RNLS: variants seen among roughly 807,000 people sequenced by gnomAD.
RNLS encodes the protein renalase, FAD dependent amine oxidase.
RNLS carries 39 observed loss-of-function variants against 39.8 expected under a neutral mutation model. The observed-to-expected ratio is 0.98, with a 90% confidence interval of 0.76 to 1.28. The LOEUF is 1.28. RNLS is among the 50% of genes most tolerant of loss of function. The pLI, the probability that RNLS is intolerant of heterozygous loss-of-function variation, is 0.00. For synonymous variants in RNLS, 147 were observed against 150.7 expected (o/e 0.98, Z 0.18); for missense variants, 410 against 413.3 (o/e 0.99, Z 0.07).
At chr10:88,404,587 G>A (rs1478595387) in intron 4 of RNLS, among the ~76,000 whole-genome samples, 1 of 152,036 alleles carries the variant, frequency 6.6e-6, no homozygotes, top group African/African-American at 2.4e-5. Flanking sequence ...GTTAGAAGAT[G>A]AGGAAAACAT....
At chr10:88,261,687 G>C in the RNLS span, among the ~76,000 whole-genome samples, 1 of 152,166 alleles carries the variant, frequency 6.6e-6, no homozygotes. Context: ...GATTATTGTA[G>C]AGATTAAATG....
Position 88,284,685 on chromosome 10 carries a change from G to T in RNLS, c.*669C>A, listed in dbSNP as rs1325744071. 1 of 984,778 alleles carries T rather than the reference G, an allele frequency of 1.0e-6. No individual in the cohort carries two copies. Among genetic ancestry groups the T allele is most frequent in the African/African-American group, 1.7e-5 (1 of 57,186 alleles). The allele number at this position is 984,778 out of a possible 1,614,324, so 61.0% of individuals were successfully genotyped here. ...ATTTAATTTTTATCTTTCATATTAG[G>T]ACTGGAATTTGTTTGAAAGTTAAAA... On this transcript the variant is annotated 3_prime_UTR_variant, in exon 7 of 7. Coordinates refer to ENST00000331772, the MANE Select transcript of RNLS (RefSeq NM_001031709.3).
the RNLS span, among the ~76,000 whole-genome samples, chr10:88,206,562 G>A: frequency 6.6e-6 from 1 of 152,132 alleles, no homozygotes; most frequent in Non-Finnish European, 1.5e-5. Flanking sequence ...CTAGTCACCT[G>A]AAAGCAAAAT....
At chr10:88,465,007 C>T (rs1022953550) in intron 4 of RNLS, among the ~76,000 whole-genome samples, 1 of 152,076 alleles carries the variant, frequency 6.6e-6, no homozygotes, top group Non-Finnish European at 1.5e-5. Flanking sequence ...GGGCAAGTAG[C>T]TAGTTTCTTT....
At chr10:88,560,825 AGACCATCATG>A (rs1849137497) in intron 4 of RNLS, among the ~76,000 whole-genome samples, 3 of 152,108 alleles carry the variant, frequency 2.0e-5, no homozygotes, top group Non-Finnish European at 4.4e-5. Context: ...GTCTACATAT[AGACCATCATG>A]GAGGAACAGG....
intron 4 of RNLS, among the ~76,000 whole-genome samples, chr10:88,548,783 T>C (rs1036077242): frequency 2.7e-5 from 4 of 150,918 alleles, no homozygotes; most frequent in Admixed American, 6.6e-5. Context: ...ATAGAGTATA[T>C]TATAGTTTTC....
chr10:88,372,661 A>G (rs1023023069), intron 4 of RNLS, among the ~76,000 whole-genome samples: 7 of 152,200 alleles, frequency 4.6e-5, no homozygotes, highest in Admixed American at 4.6e-4. Context: ...TTGTAGGCCT[A>G]CTATGCATCC....
intron 4 of RNLS, among the ~76,000 whole-genome samples, chr10:88,450,950 G>T (rs991692152): frequency 6.6e-6 from 1 of 151,474 alleles, no homozygotes; most frequent in Non-Finnish European, 1.5e-5. Context: ...CTGTTTAAAA[G>T]GCAGGAAGAA....
chr10:88,451,111 T>A lies in RNLS; in HGVS notation c.527-88386A>T, dbSNP rs1242919537. 3.9e-5 allele frequency among the ~76,000 whole-genome samples: 6 copies of A among 152,120 alleles called. No homozygotes were observed. The East Asian group carries it at 1.2e-3, about 29-fold the overall frequency. ...GTGTCAGATTACGAAGGTCCTTGGG[T>A]GCAAAGATGAGGGGCATAGACCCTT... is the stretch of plus-strand genomic sequence containing the variant. On this transcript the variant is annotated intron_variant, in intron 4 of 6. Coordinates refer to ENST00000331772, the MANE Select transcript of RNLS (RefSeq NM_001031709.3).
chr10:88,438,249 A>G (rs1841523207), intron 4 of RNLS, among the ~76,000 whole-genome samples: 1 of 152,144 alleles, frequency 6.6e-6, no homozygotes, highest in Non-Finnish European at 1.5e-5. Flanking sequence ...ATCCAGGCAG[A>G]GGGCAAAATT....
At chr10:88,266,897 G>A in the RNLS span, among the ~76,000 whole-genome samples, 5 of 152,106 alleles carry the variant, frequency 3.3e-5, no homozygotes, top group African/African-American at 4.8e-5. Flanking sequence ...ACAAAAGCTG[G>A]GCCATTTTCT....
intron 4 of RNLS, among the ~76,000 whole-genome samples, chr10:88,567,911 C>G (rs940753910): frequency 2.0e-5 from 3 of 152,050 alleles, no homozygotes; most frequent in Non-Finnish European, 4.4e-5. Context: ...CTATCAAAAC[C>G]AAGGTCAATG....
rs554553078 is a variant in RNLS, at chr10:88,408,690, C to A, written c.527-45965G>T. 5.9e-5 allele frequency among the ~76,000 whole-genome samples: 9 copies of A among 151,994 alleles called. No individual in the cohort carries two copies. The East Asian group carries it at 1.7e-3, about 29-fold the overall frequency. Reference sequence around the variant, plus strand: ...TTTATTTATTTGGAATTTTTTTTGGCATACTATTTTTTTATAAACTTCTTT... The same window carrying A: ...TTTATTTATTTGGAATTTTTTTTGGAATACTATTTTTTTATAAACTTCTTT... On this transcript the variant is annotated intron_variant, in intron 4 of 6. Transcript: ENST00000331772.
At chr10:88,215,969 G>A in the RNLS span, among the ~76,000 whole-genome samples, 1 of 151,900 alleles carries the variant, frequency 6.6e-6, no homozygotes, top group Non-Finnish European at 1.5e-5. Context: ...CAAAGTGTTG[G>A]GATTAGGTGT....
At chr10:88,246,858 G>A in the RNLS span, among the ~76,000 whole-genome samples, 14 of 152,308 alleles carry the variant, frequency 9.2e-5, no homozygotes, top group South Asian at 2.9e-3. Context: ...AACCAGCCAT[G>A]AAGGTTAGCA....
intron 4 of RNLS, among the ~76,000 whole-genome samples, chr10:88,511,667 G>T (rs2134157079): frequency 6.6e-6 from 1 of 152,150 alleles, no homozygotes; most frequent in African/African-American, 2.4e-5. Flanking sequence ...AGTTAAGAAG[G>T]ATGCAAGAGG....
intron 5 of RNLS, among the ~76,000 whole-genome samples, chr10:88,339,982 A>G (rs1350709054): frequency 1.3e-5 from 2 of 152,212 alleles, no homozygotes; most frequent in East Asian, 3.8e-4. Context: ...ATGCATTTCT[A>G]TATCACATGG....
chr10:88,431,039 T>C (rs1217537029), intron 4 of RNLS, among the ~76,000 whole-genome samples: 1 of 151,756 alleles, frequency 6.6e-6, no homozygotes, highest in East Asian at 1.9e-4. Context: ...CTGGAAGAAT[T>C]GTGTAGGATT....
intron 6 of RNLS, among the ~76,000 whole-genome samples, chr10:88,305,783 TAACA>T (rs1246022971): frequency 6.6e-6 from 1 of 152,046 alleles, no homozygotes; most frequent in Non-Finnish European, 1.5e-5. Context: ...GACAGAAAAT[TAACA>T]AAGATATTCA....
Sources: gnomAD v4.1 joint callset for allele counts (sites outside exome capture counted in the v4.1 genomes callset) on GRCh38, gnomAD v4.1.1 for gene constraint, MANE v1.5 for transcripts, NCBI Gene and HGNC (gene_info 2026-07-23, HGNC 2026-07-21) for gene names.